FBXO4: variants seen among roughly 807,000 people sequenced by gnomAD.
FBXO4 encodes F-box protein 4.
FBXO4 carries 36 observed loss-of-function variants against 43.7 expected under a neutral mutation model. That is an observed-to-expected ratio of 0.82 (90% CI 0.63 to 1.09). The LOEUF is 1.09. Ranked by LOEUF, FBXO4 falls within the 50% of genes least tolerant of loss-of-function variation. FBXO4 has a pLI of 0.00. For synonymous variants in FBXO4, 180 were observed against 165.6 expected, an observed-to-expected ratio of 1.09 and a Z score of -0.67; for missense variants, 435 against 474.1, an observed-to-expected ratio of 0.92 and a Z score of 0.77.
the FBXO4 span, among the ~76,000 whole-genome samples, chr5:42,025,795 G>A: frequency 1.3e-5 from 2 of 151,912 alleles, no homozygotes; most frequent in African/African-American, 4.8e-5. Flanking sequence ...TTATTGAAGA[G>A]ACTGTCTTTT....
chr5:42,035,084 T>A, the FBXO4 span, among the ~76,000 whole-genome samples: 1 of 152,072 alleles, frequency 6.6e-6, no homozygotes, highest in Non-Finnish European at 1.5e-5. Context: ...TTGTAACAAT[T>A]GTGACTGGGA....
chr5:42,012,888 C>T, the FBXO4 span, among the ~76,000 whole-genome samples: 1 of 152,156 alleles, frequency 6.6e-6, no homozygotes, highest in Non-Finnish European at 1.5e-5. Flanking sequence ...AAGCAGCACT[C>T]AGTAACGTTA....
the FBXO4 span, among the ~76,000 whole-genome samples, chr5:42,002,626 G>A: frequency 6.6e-6 from 1 of 152,170 alleles, no homozygotes. Context: ...AGATGTGTCT[G>A]TGTTAAATAA....
chr5:42,000,382 T>C, the FBXO4 span, among the ~76,000 whole-genome samples: 2 of 152,196 alleles, frequency 1.3e-5, no homozygotes, highest in East Asian at 3.8e-4. Flanking sequence ...ACATAAAAGT[T>C]GAAATTTTAA....
At chr5:42,028,771 A>G in the FBXO4 span, among the ~76,000 whole-genome samples, 3 of 151,908 alleles carry the variant, frequency 2.0e-5, no homozygotes, top group Non-Finnish European at 4.4e-5. Flanking sequence ...CCTGATAACA[A>G]CTTAACATAG....
the FBXO4 span, among the ~76,000 whole-genome samples, chr5:42,016,572 A>C: frequency 6.6e-6 from 1 of 152,036 alleles, no homozygotes; most frequent in South Asian, 2.1e-4. Context: ...AATTTTAAAT[A>C]AACAATTTTT....
chr5:41,989,246 T>C, the FBXO4 span, among the ~76,000 whole-genome samples: 1 of 152,158 alleles, frequency 6.6e-6, no homozygotes, highest in Admixed American at 6.5e-5. Flanking sequence ...GAAATGCTTA[T>C]GAAAAAGTAG....
the FBXO4 span, among the ~76,000 whole-genome samples, chr5:41,996,478 A>T: frequency 2.0e-5 from 3 of 152,198 alleles, no homozygotes; most frequent in Non-Finnish European, 4.4e-5. Context: ...GGCTCCAAAC[A>T]GCATCTCTAT....
downstream of FBXO4, among the ~76,000 whole-genome samples, chr5:41,945,801 A>G (rs1579991380): frequency 6.6e-6 from 1 of 152,140 alleles, no homozygotes; most frequent in African/African-American, 2.4e-5. Flanking sequence ...TTTCTGGTCT[A>G]ACCGGTTGTC....
the FBXO4 span, among the ~76,000 whole-genome samples, chr5:41,996,195 T>C: frequency 3.3e-5 from 5 of 152,126 alleles, no homozygotes; most frequent in Non-Finnish European, 5.9e-5. Flanking sequence ...TCGAGCCTGA[T>C]CACATATATA....
the FBXO4 span, among the ~76,000 whole-genome samples, chr5:42,024,290 A>G: frequency 6.6e-6 from 1 of 152,092 alleles, no homozygotes; most frequent in African/African-American, 2.4e-5. Context: ...TATACTGCCT[A>G]TATCTTTCTA....
At chr5:41,970,712 T>C in the FBXO4 span, among the ~76,000 whole-genome samples, 13 of 152,130 alleles carry the variant, frequency 8.5e-5, no homozygotes, top group African/African-American at 2.9e-4. Context: ...CCAGATATTA[T>C]GTGACATTGG....
intron 3 of FBXO4, among the ~76,000 whole-genome samples, chr5:41,930,421 G>A (rs1308200172): frequency 6.6e-6 from 1 of 152,148 alleles, no homozygotes; most frequent in Admixed American, 6.5e-5. Context: ...TGAGATGATA[G>A]GGATGCAGAT....
chr5:41,941,357 C>A lies in FBXO4; in HGVS notation c.*76C>A. The A allele has an allele frequency of 7.8e-7, 1 of 1,284,484 alleles. No individual in the cohort carries two copies. The highest frequency in any genetic ancestry group is 1.1e-6 in the Non-Finnish European group (1 of 887,242). The allele number at this position is 1,284,484 out of a possible 1,614,324, so 79.6% of individuals were successfully genotyped here. A position where few individuals can be genotyped will look rare whatever the true frequency, so the allele number is the denominator to read the frequency against. On this transcript the variant is annotated 3_prime_UTR_variant, in exon 7 of 7. Transcript: ENST00000281623. ...GTCGTGATGTGAATATTTGCTCAGT[C>A]AGCCCACCTTGTCCTGCCTTTTTGC...
chr5:41,953,735 C>T, the FBXO4 span, among the ~76,000 whole-genome samples: 6 of 151,774 alleles, frequency 4.0e-5, no homozygotes, highest in Non-Finnish European at 8.8e-5. Flanking sequence ...ATTTGCATTT[C>T]TCTGATGGCC....
At chr5:41,938,722 C>T (rs1458155775) in intron 5 of FBXO4, among the ~76,000 whole-genome samples, 2 of 152,102 alleles carry the variant, frequency 1.3e-5, no homozygotes, top group South Asian at 2.1e-4. Context: ...AATTTGCTTC[C>T]GAGATCATTC....
chr5:42,040,100 C>T, the FBXO4 span, among the ~76,000 whole-genome samples: 1 of 152,196 alleles, frequency 6.6e-6, no homozygotes, highest in South Asian at 2.1e-4. Flanking sequence ...TTGTTTTAAG[C>T]CACTAAGTTT....
At chr5:41,937,294 C>T (rs1315743739) in intron 5 of FBXO4, among the ~76,000 whole-genome samples, 1 of 152,074 alleles carries the variant, frequency 6.6e-6, no homozygotes, top group Admixed American at 6.5e-5. Flanking sequence ...TGAAAACATA[C>T]ATACAGGCCA....
intron 2 of FBXO4, 119 bp downstream of exon 2, chr5:41,927,367 G>T (rs1751541724): frequency 1.1e-5 from 8 of 714,626 alleles, no homozygotes; most frequent in Non-Finnish European, 1.8e-5. Context: ...GGGTCTAATT[G>T]TTCTCGTCAA....
Sources: allele counts gnomAD v4.1 joint callset (sites outside exome capture counted in the v4.1 genomes callset), GRCh38; gene constraint gnomAD v4.1.1; transcripts MANE v1.5; gene names NCBI Gene and HGNC (gene_info 2026-07-23, HGNC 2026-07-21).